STAMBPL1: variants seen among roughly 807,000 people sequenced by gnomAD.
The protein encoded by STAMBPL1 is STAM binding protein like 1, also known as AMSH-like protease.
Under a neutral mutation model 52.9 loss-of-function variants are expected in STAMBPL1, and 44 were observed. The observed-to-expected ratio is 0.83, with a 90% CI of 0.65 to 1.07. The LOEUF is 1.07. Among genes scored for constraint, STAMBPL1 ranks in the 50% least tolerant of loss-of-function variants. The pLI, the probability that STAMBPL1 is intolerant of heterozygous loss-of-function variation, is 0.00. For missense variants in STAMBPL1, 511 were observed against 520.8 expected (o/e 0.98, Z 0.18); for synonymous variants, 164 against 177.3 (o/e 0.92, Z 0.60).
chr10:88,915,846 G>T (rs1845355490), intron 7 of STAMBPL1, among the ~76,000 whole-genome samples: 1 of 152,130 alleles, frequency 6.6e-6, no homozygotes, highest in Non-Finnish European at 1.5e-5. Context: ...TAGGCCTGAA[G>T]AATACATAAA....
At position 88,901,726 on chromosome 10, in the gene STAMBPL1, T is replaced by C; in HGVS notation, c.18T>C (p.Thr6=). ...AAGACAACATGGATCAGCCTTTTAC[T>C]GTGAATTCTCTGGTAGGTCACACCA... MDQPF[T]VNSLKKLAAM... The change falls in exon 2 of 11, where the codon ACT becomes ACC. Residue 6 remains threonine (T), a synonymous_variant. Transcript: ENST00000371926. 6.2e-7 allele frequency: 1 copy of C among 1,612,710 alleles called. No individual in the cohort carries two copies. Among genetic ancestry groups the C allele is most frequent in the Non-Finnish European group, 8.5e-7 (1 of 1,179,452 alleles).
rs527818995 is a variant in STAMBPL1, at chr10:88,887,267, C to T, written c.-54+6629C>T. ...AAATTGATAAATAAGATGAAAATCA[C>T]TCAAAATCATTGGTGGGTGTAGAAC... is the stretch of plus-strand genomic sequence containing the variant. On this transcript the variant is annotated intron_variant, in intron 1 of 10. Transcript: ENST00000371926. Among the ~76,000 whole-genome samples, 66 of 152,054 alleles carry T rather than the reference C, an allele frequency of 4.3e-4. No homozygotes were observed. The South Asian group carries it at 0.013, about 30-fold the overall frequency.
intron 3 of STAMBPL1, 59 bp downstream of exon 3, chr10:88,905,719 T>C (rs760047338): frequency 5.1e-6 from 7 of 1,359,478 alleles, no homozygotes; most frequent in Middle Eastern, 2.3e-4. Flanking sequence ...CATAGTTATT[T>C]TGATGTGGCA....
chr10:88,891,587 C>T (rs1160199072), intron 1 of STAMBPL1, among the ~76,000 whole-genome samples: 3 of 152,128 alleles, frequency 2.0e-5, no homozygotes, highest in African/African-American at 7.2e-5. Flanking sequence ...TCACGATTAA[C>T]ATCATTAATA....
intron 4 of STAMBPL1, among the ~76,000 whole-genome samples, chr10:88,909,075 C>T (rs544369568): frequency 1.3e-5 from 2 of 152,136 alleles, no homozygotes; most frequent in South Asian, 2.1e-4. Context: ...TGTATTTCTG[C>T]GAACTTCTTT....
intron 7 of STAMBPL1, among the ~76,000 whole-genome samples, chr10:88,915,975 C>T (rs1845359062): frequency 1.3e-5 from 2 of 152,108 alleles, no homozygotes; most frequent in Non-Finnish European, 2.9e-5. Context: ...GGCCAGCCTG[C>T]CTGGGGGAAG....
At chr10:88,899,573 C>T (rs1357526374) in intron 1 of STAMBPL1, among the ~76,000 whole-genome samples, 1 of 152,118 alleles carries the variant, frequency 6.6e-6, no homozygotes, top group Non-Finnish European at 1.5e-5. Flanking sequence ...GTAGTGGTGC[C>T]ATCTCAACTC....
chr10:88,881,611 AGG>A (rs1844407707), intron 1 of STAMBPL1, among the ~76,000 whole-genome samples: 1 of 152,236 alleles, frequency 6.6e-6, no homozygotes, highest in African/African-American at 2.4e-5. Flanking sequence ...TCATGATTTA[AGG>A]CCCTGTCAAG....
intron 6 of STAMBPL1, 36 bp from the exon 7 acceptor site, chr10:88,914,494 AGTTT>A: frequency 7.0e-7 from 1 of 1,425,650 alleles, no homozygotes; most frequent in Non-Finnish European, 9.3e-7. Flanking sequence ...TGGGACATAT[AGTTT>A]GTTTTTTAGC....
intron 1 of STAMBPL1, among the ~76,000 whole-genome samples, chr10:88,898,745 C>T (rs1231764264): frequency 2.0e-5 from 3 of 152,142 alleles, no homozygotes; most frequent in African/African-American, 7.2e-5. Context: ...ATTGTTTCTG[C>T]TCACACTTAG....
intron 5 of STAMBPL1, 33 bp from the exon 6 acceptor site, chr10:88,913,068 C>T (rs1447108141): frequency 3.9e-6 from 6 of 1,522,798 alleles, no homozygotes; most frequent in Admixed American, 2.1e-5. Context: ...TCCTTGGAAA[C>T]TAACCTTCTC....
At chr10:88,906,705 T>TG (rs1032143055) in intron 3 of STAMBPL1, among the ~76,000 whole-genome samples, 4 of 152,156 alleles carry the variant, frequency 2.6e-5, no homozygotes, top group African/African-American at 9.7e-5. Context: ...CTGGCTCAAG[T>TG]GATCCTCCCA....
chr10:88,900,811 C>T (rs1485825480), intron 1 of STAMBPL1, among the ~76,000 whole-genome samples: 2 of 152,248 alleles, frequency 1.3e-5, no homozygotes, highest in East Asian at 3.8e-4. Context: ...AGATCCTCTA[C>T]TCATGGTCTC....
chr10:88,913,150 T>G lies in STAMBPL1; in HGVS notation c.470T>G (p.Ile157Arg). Residue 157 changes from isoleucine (I) to arginine (R), a missense_variant, in exon 6 of 11, where the codon ATA (isoleucine) becomes AGA (arginine). Around this residue, in one of 3 missense-constraint regions of STAMBPL1, gnomAD observed 358 missense variants for 343.5 expected, o/e 1.04. Coordinates refer to ENST00000371926, the MANE Select transcript of STAMBPL1 (RefSeq NM_020799.4). ...ILKKLEHQRL[I>R]EAERKRIAQM... ...AAAAAATTGGAGCATCAGAGATTGA[T>G]AGAGGCAGAAAGGAAGCGGATTGCT... is the stretch of plus-strand genomic sequence containing the variant. 6.2e-7 allele frequency: 1 copy of G among 1,612,724 alleles called. No homozygotes were observed. The highest frequency in any genetic ancestry group is 2.2e-5 in the East Asian group (1 of 44,864).
intron 3 of STAMBPL1, among the ~76,000 whole-genome samples, chr10:88,906,828 T>C (rs965842801): frequency 2.0e-5 from 3 of 152,210 alleles, no homozygotes; most frequent in Non-Finnish European, 2.9e-5. Flanking sequence ...CTCCAACTCC[T>C]GGATGCAAGT....
At position 88,913,444 on chromosome 10, in the gene STAMBPL1, T is replaced by G; in HGVS notation, c.764T>G (p.Leu255Arg). 1 of 1,611,740 alleles carries G rather than the reference T, an allele frequency of 6.2e-7. No individual in the cohort carries two copies. The highest frequency in any genetic ancestry group is 8.5e-7 in the Non-Finnish European group (1 of 1,178,670). The change falls in exon 6 of 11, where the codon CTA (leucine) becomes CGA (arginine). Residue 255 changes from leucine to arginine, a missense_variant. Physicochemically the swap from Leu to Arg is moderately radical, Grantham distance 102. Around this residue, in one of 3 missense-constraint regions of STAMBPL1, gnomAD observed 358 missense variants for 343.5 expected, o/e 1.04. Transcript: ENST00000371926. Reference protein sequence around the residue: ...VNRALTPAATLSAVQNLVVEG... With the variant: ...VNRALTPAATRSAVQNLVVEG... ...AGGGCCTTAACGCCAGCTGCTACTC[T>G]AAGTGCTGTTCAGAGTAAGTGATGA...
chr10:88,918,523 A>G (rs1428459820), intron 8 of STAMBPL1, among the ~76,000 whole-genome samples: 5 of 152,154 alleles, frequency 3.3e-5, no homozygotes, highest in Non-Finnish European at 7.4e-5. Flanking sequence ...CCAGGTGTGA[A>G]AGCTCTTTGA....
At chr10:88,904,947 C>T (rs1845035607) in intron 2 of STAMBPL1, among the ~76,000 whole-genome samples, 1 of 151,628 alleles carries the variant, frequency 6.6e-6, no homozygotes. Context: ...TGCAGAGAAG[C>T]CCTGAAAATT....
rs142250798 is a variant in STAMBPL1, at chr10:88,915,145, A to T, written c.903+487A>T. 1.1e-4 allele frequency among the ~76,000 whole-genome samples: 16 copies of T among 152,308 alleles called. No individual in the cohort carries two copies. The East Asian group carries it at 2.9e-3, about 28-fold the overall frequency. ...TTCAACAAAAGCCTATAAGCACAGG[A>T]CATACTTAATTATGGAAGATGTCAT... is the stretch of plus-strand genomic sequence containing the variant. On this transcript the variant is annotated intron_variant, in intron 7 of 10. Coordinates refer to ENST00000371926, the MANE Select transcript of STAMBPL1 (RefSeq NM_020799.4).
Sources: allele counts gnomAD v4.1 joint callset (sites outside exome capture counted in the v4.1 genomes callset), GRCh38; gene constraint gnomAD v4.1.1; regional missense constraint gnomAD v4.1.1; transcripts MANE v1.5; gene names NCBI Gene and HGNC (gene_info 2026-07-23, HGNC 2026-07-21).